CCDC120: variants seen among roughly 807,000 people sequenced by gnomAD.
CCDC120 encodes coiled-coil domain-containing protein 120.
Under a neutral mutation model 37.6 loss-of-function variants are expected in CCDC120, and 16 were observed. The observed-to-expected ratio is 0.43, with a 90% CI of 0.29 to 0.65. The LOEUF (loss-of-function observed/expected upper bound fraction) is 0.65, where lower values mean the gene tolerates loss of function less well. Among genes scored for constraint, CCDC120 ranks in the 30% least tolerant of loss-of-function variants. The probability of loss-of-function intolerance (pLI) is 0.18; values close to 1 mark genes in which losing one functional copy is unlikely to be tolerated. For synonymous variants in CCDC120, 309 were observed against 275.4 expected, an observed-to-expected ratio of 1.12 and a Z score of -1.21; for missense variants, 650 against 657.4, an observed-to-expected ratio of 0.99 and a Z score of 0.12.
chrX:49,054,320 C>G (rs782737954), upstream of CCDC120, among the ~76,000 whole-genome samples: 15 of 111,512 alleles, frequency 1.3e-4, no homozygotes, highest in African/African-American at 4.6e-4. Context: ...CTCCAAACCT[C>G]TTCCAGTCAT....
chrX:49,067,606 G>T lies in CCDC120; in HGVS notation c.1492G>T (p.Gly498Trp). 6 of 1,185,520 alleles carry T rather than the reference G, an allele frequency of 5.1e-6. No individual in the cohort carries two copies. Among genetic ancestry groups the T allele is most frequent in the Non-Finnish European group, 6.8e-6 (6 of 880,433 alleles). ...LPRSGGGTGW[G>W]ELPPAAEVPG... ...CCGCAGTGGCGGTGGAACAGGCTGG[G>T]GGGAGCTGCCGCCTGCAGCTGAGGT... The change falls in exon 10 of 11, where the codon GGG becomes TGG. Residue 498 changes from glycine (G) to tryptophan (W), a missense_variant. By Grantham distance (184) the Gly-to-Trp change is radical. Coordinates refer to ENST00000603986, the MANE Select transcript of CCDC120 (RefSeq NM_001163321.4).
chrX:49,064,927 C>T (rs1371686859), intron 6 of CCDC120, 109 bp from the exon 7 acceptor site: 43 of 837,589 alleles, frequency 5.1e-5, no homozygotes, highest in Admixed American at 8.1e-5. Context: ...CAGGATGAGG[C>T]GGAAACTGGC....
In CCDC120 at chrX:49,064,465, C is replaced by T. The variant is rs374886808; in HGVS notation, c.525C>T (p.Thr175=). The part of the protein sequence containing the change: ...RRLALAPDLS[T]EQRRRRRQVQ... ...TGGCCTTGGCCCCTGATCTGAGCAC[C>T]GAGCAGCGCCGGCGCCGGCGCCAGG... The change falls in exon 6 of 11, where the codon ACC becomes ACT. Residue 175 remains threonine, a synonymous_variant. Transcript: ENST00000603986. 1.0e-5 allele frequency: 12 copies of T among 1,178,635 alleles called. No individual in the cohort carries two copies. In the Admixed American group the frequency reaches 1.2e-4, roughly 12 times the overall value.
At chrX:49,053,731 G>T (rs1249498164) in exon 1 of CCDC120, 1 of 112,971 alleles carries the variant, frequency 8.9e-6, no homozygotes, top group Non-Finnish European at 1.9e-5. Context: ...TAACGGTAGC[G>T]CAGCCGAACA....
upstream of CCDC120, chrX:49,058,826 G>C (rs1267655106): frequency 2.7e-5 from 3 of 112,744 alleles, no homozygotes; most frequent in African/African-American, 9.7e-5. Context: ...CCTGGCCCAG[G>C]CTGTCTTCTT....
chrX:49,058,677 C>A (rs1557078789), upstream of CCDC120, among the ~76,000 whole-genome samples: 4 of 112,604 alleles, frequency 3.6e-5, no homozygotes, highest in Non-Finnish European at 7.5e-5. Flanking sequence ...GGCCTCCATG[C>A]CTGGCCAGTT....
chrX:49,067,360 C>A lies in CCDC120; in HGVS notation c.1246C>A (p.Leu416Met), dbSNP rs55654138. 0.037 allele frequency: 44,521 copies of A among 1,199,037 alleles called. 664 individuals carry two copies. Among genetic ancestry groups the A allele is most frequent in the Non-Finnish European group, 0.044 (39,215 of 889,915 alleles). ...GGGAGCTGGCTCCCCGCCTGCCCCTCTGGCTCCCTCTGCCTCTGGCCCCCC... is the reference window on the plus strand; with the variant it reads ...GGGAGCTGGCTCCCCGCCTGCCCCTATGGCTCCCTCTGCCTCTGGCCCCCC... ...GGGAGSPPAP[L>M]APSASGPPVC... The change falls in exon 10 of 11, where the codon CTG becomes ATG. Residue 416 changes from leucine (L) to methionine (M), a missense_variant. By Grantham distance (15) the Leu-to-Met change is conservative. Transcript: ENST00000603986.
intron 5 of CCDC120, 89 bp from the exon 6 acceptor site, chrX:49,064,281 C>A: frequency 1.0e-6 from 1 of 991,944 alleles, no homozygotes. Context: ...TCTGAATAGG[C>A]TGCAGGAAGT....
chrX:49,056,520 G>A (rs1317491605), upstream of CCDC120, among the ~76,000 whole-genome samples: 1 of 107,404 alleles, frequency 9.3e-6, no homozygotes, highest in Non-Finnish European at 1.9e-5. Context: ...CCAGCTACTC[G>A]GGAGGCTGAA....
chrX:49,062,111 C>T lies in CCDC120; in HGVS notation c.63+7C>T. The T allele has an allele frequency of 8.6e-7, 1 of 1,158,599 alleles. No homozygotes were observed. The highest frequency in any genetic ancestry group is 1.1e-6 in the Non-Finnish European group (1 of 873,012). Reference sequence around the variant, plus strand: ...CCACACGGATTCTGAAAGGGCAGGTCAAGCAGGCACGTGGGGCCCAGGTTA... The same window carrying T: ...CCACACGGATTCTGAAAGGGCAGGTTAAGCAGGCACGTGGGGCCCAGGTTA... On this transcript the variant is annotated splice_region_variant and intron_variant, in intron 2 of 10. Coordinates refer to ENST00000603986, the MANE Select transcript of CCDC120 (RefSeq NM_001163321.4).
At position 49,067,639 on chromosome X, in the gene CCDC120, C is replaced by T. The variant is rs1557081801; in HGVS notation, c.1525C>T (p.Pro509Ser). The T allele has an allele frequency of 3.3e-6, 4 of 1,198,416 alleles. No individual in the cohort carries two copies. The highest frequency in any genetic ancestry group is 2.3e-6 in the Non-Finnish European group (2 of 887,219). Residue 509 changes from proline (P) to serine (S), a missense_variant, in exon 10 of 11, where the codon CCC becomes TCC. Pro to Ser is a moderately conservative substitution (Grantham distance 74). This residue lies in a region of CCDC120 where 576 missense variants were observed against 565.3 expected (regional missense o/e 1.02). Transcript: ENST00000603986. Reference protein sequence around the residue: ...ELPPAAEVPGPLSRRDGLLTM... With the variant: ...ELPPAAEVPGSLSRRDGLLTM... ...GCCGCCTGCAGCTGAGGTCCCAGGA[C>T]CCCTCTCCCGCCGGGATGGGCTCCT... is the stretch of plus-strand genomic sequence containing the variant.
At chrX:49,066,792 T>C in intron 9 of CCDC120, 1 of 138,321 alleles carries the variant, frequency 7.2e-6, no homozygotes, top group Non-Finnish European at 1.3e-5. Flanking sequence ...CCCTAAGGCC[T>C]AGGACTTAAT....
chrX:49,062,315 C>T lies in CCDC120; in HGVS notation c.144C>T (p.Phe48=). 8.3e-7 allele frequency: 1 copy of T among 1,209,149 alleles called. No individual in the cohort carries two copies. Among genetic ancestry groups the T allele is most frequent in the Non-Finnish European group, 1.1e-6 (1 of 893,764 alleles). The change falls in exon 3 of 11, where the codon TTC becomes TTT. Residue 48 remains phenylalanine (F), a synonymous_variant. Coordinates refer to ENST00000603986, the MANE Select transcript of CCDC120 (RefSeq NM_001163321.4). ...GTCAGCTGATCAGCTCTCCTACCTT[C>T]AATGCCCCAGGTCGGTGGCTGCTTC... is the stretch of plus-strand genomic sequence containing the variant. ...VKGQLISSPT[F]NAPAALFGEA...
rs1196980119 is a variant in CCDC120 at position 49,068,580 on chromosome X, C to T, written c.2013C>T (p.Ser671=). ...ACTTCCTGTATCCCCCGGAGCTGAG[C>T]GCTCGTTTAAGTGACCTGACGCTAG... ...YADFLYPPEL[S]ARLSDLTLEG... is the part of the protein sequence containing the mutation. The change falls in exon 11 of 11, where the codon AGC becomes AGT. Residue 671 remains serine (S), a synonymous_variant. Coordinates refer to ENST00000603986, the MANE Select transcript of CCDC120 (RefSeq NM_001163321.4). 14 of 1,153,271 alleles carry T rather than the reference C, an allele frequency of 1.2e-5. No individual in the cohort carries two copies. Among genetic ancestry groups the T allele is most frequent in the East Asian group, 1.0e-4 (3 of 29,763 alleles).
upstream of CCDC120, among the ~76,000 whole-genome samples, chrX:49,057,575 G>T (rs1557078597): frequency 8.9e-6 from 1 of 112,835 alleles, no homozygotes; most frequent in East Asian, 2.8e-4. Context: ...GATGAAAGGG[G>T]CCTTTGTGTT....
chrX:49,059,320 G>C (rs1276673440), intron 1 of CCDC120: 1 of 752,532 alleles, frequency 1.3e-6, no homozygotes, highest in Non-Finnish European at 1.6e-6. Flanking sequence ...CTGGCACCAA[G>C]CCGATTCCCG....
Position 49,064,547 on chromosome X carries a change from C to G in CCDC120, c.607C>G (p.Arg203Gly). The G allele has an allele frequency of 8.5e-7, 1 of 1,177,988 alleles. No individual in the cohort carries two copies. The highest frequency in any genetic ancestry group is 1.1e-6 in the Non-Finnish European group (1 of 878,501). The stretch of plus-strand genomic sequence containing the variant: ...GCTAGAGGAGCAGCTCAGGGATGTC[C>G]GGGCCCGCCTTGGCCTCCCAGTGCT... ...HELEEQLRDV[R>G]ARLGLPVLPL... Residue 203 changes from arginine (R) to glycine (G), a missense_variant, in exon 6 of 11, where the codon CGG (arginine) becomes GGG (glycine). Transcript: ENST00000603986.
At position 49,062,807 on chromosome X, in the gene CCDC120, C is replaced by A. The variant is rs782507367; in HGVS notation, c.288+206C>A. The A allele has an allele frequency of 6.8e-3, 3,070 of 452,650 alleles. 11 individuals carry two copies. Among genetic ancestry groups the A allele is most frequent in the South Asian group, 0.018 (475 of 26,982 alleles). The allele number at this position is 452,650 out of a possible 1,213,427, so 37.3% of individuals were successfully genotyped here. On this transcript the variant is annotated intron_variant, in intron 4 of 10. Transcript: ENST00000603986. ...GGGCGCTGTGGCTCACGCCTGTAAT[C>A]CCAGCACTTTGGGAGGCCGAGGCAG...
Position 49,067,573 on chromosome X carries a change from G to A in CCDC120, c.1459G>A (p.Gly487Ser), listed in dbSNP as rs782436116. Residue 487 changes from glycine to serine, a missense_variant, in exon 10 of 11, where the codon GGC (glycine) becomes AGC (serine). Gly to Ser is a moderately conservative substitution (Grantham distance 56). Transcript: ENST00000603986. ...CCTCTTGGACTATTCCTTGGACCGG[G>A]GCCTGCCCCGCAGTGGCGGTGGAAC... ...DFLLDYSLDR[G>S]LPRSGGGTGW... 14 of 1,174,566 alleles carry A rather than the reference G, an allele frequency of 1.2e-5. No homozygotes were observed. The highest frequency in any genetic ancestry group is 2.4e-4 in the Middle Eastern group (1 of 4,192).
Sources: allele counts gnomAD v4.1 joint callset (sites outside exome capture counted in the v4.1 genomes callset), GRCh38; gene constraint gnomAD v4.1.1; regional missense constraint gnomAD v4.1.1; transcripts MANE v1.5; gene names NCBI Gene and HGNC (gene_info 2026-07-23, HGNC 2026-07-21).